The following CEP192 variants were observed in gnomAD, a reference collection of about 807,000 sequenced individuals.
CEP192 encodes centrosomal protein of 192 kDa.
CEP192 carries 151 observed loss-of-function variants against 271.8 expected under a neutral mutation model. That is an observed-to-expected ratio of 0.56 (90% CI 0.49 to 0.64). The LOEUF (loss-of-function observed/expected upper bound fraction) is 0.64. CEP192 is among the 30% of genes least tolerant of loss of function. The pLI is 0.00. For missense variants in CEP192, 2,910 were observed against 3,020.5 expected (o/e 0.96, Z 0.86); for synonymous variants, 995 against 1,076.5 (o/e 0.92, Z 1.48).
chr18:13,063,265 AT>A (rs1314228921), intron 21 of CEP192, among the ~76,000 whole-genome samples: 1 of 152,160 alleles, frequency 6.6e-6, no homozygotes, highest in Non-Finnish European at 1.5e-5. Context: ...TGGTAGCTCA[AT>A]TATTAGTTTT....
intron 24 of CEP192, 116 bp downstream of exon 24, chr18:13,068,538 T>C (rs1044400007): frequency 1.0e-6 from 1 of 961,932 alleles, no homozygotes; most frequent in Non-Finnish European, 1.6e-6. Context: ...TCAACTATTT[T>C]ATGTTTTTTT....
In CEP192 at chr18:13,113,597, A is replaced by G. The variant is rs1447549980; in HGVS notation, c.7059A>G (p.Thr2353=). 6.2e-7 allele frequency: 1 copy of G among 1,613,206 alleles called. No individual in the cohort carries two copies. The part of the protein sequence containing the change: ...ESHGIQKVSI[T]FLPRGRGDYA... ...TATGTATTTCGTAGGTCTCCATCAC[A>G]TTTTTGCCCAGAGGTAGGGGGGATT... The change falls in exon 41 of 45, where the codon ACA becomes ACG. Residue 2353 remains threonine (T), a synonymous_variant. Transcript: ENST00000506447.
chr18:13,099,145 G>A (rs902993305), intron 36 of CEP192, among the ~76,000 whole-genome samples: 2 of 149,998 alleles, frequency 1.3e-5, no homozygotes, highest in African/African-American at 2.5e-5. Context: ...GTCCAGCTTC[G>A]GCTCGGCATC....
intron 3 of CEP192, among the ~76,000 whole-genome samples, chr18:13,005,370 G>T (rs1325694979): frequency 6.6e-6 from 1 of 152,156 alleles, no homozygotes; most frequent in Non-Finnish European, 1.5e-5. Flanking sequence ...GTCTTAAGGG[G>T]CTTGGAGTGC....
At chr18:13,053,316 G>T (rs181580137) in intron 18 of CEP192, among the ~76,000 whole-genome samples, 2 of 152,310 alleles carry the variant, frequency 1.3e-5, no homozygotes, top group East Asian at 3.9e-4. Flanking sequence ...GTCTGGTGAG[G>T]CACGCTGTGT....
intron 17 of CEP192, 105 bp from the exon 18 acceptor site, chr18:13,052,813 TG>T: frequency 1.4e-6 from 1 of 732,096 alleles, no homozygotes; most frequent in Non-Finnish European, 2.2e-6. Flanking sequence ...ATTGAATTTG[TG>T]GTTGAGTCAT....
At chr18:13,026,253 AT>A (rs1397285814) in intron 9 of CEP192, among the ~76,000 whole-genome samples, 3 of 151,416 alleles carry the variant, frequency 2.0e-5, no homozygotes, top group African/African-American at 4.9e-5. Context: ...GAGCAAGGTG[AT>A]TTTTTTCCTC....
intron 17 of CEP192, among the ~76,000 whole-genome samples, chr18:13,052,663 G>A (rs1433641462): frequency 1.3e-5 from 2 of 152,096 alleles, no homozygotes; most frequent in Non-Finnish European, 2.9e-5. Flanking sequence ...AGCATGAATA[G>A]CTAATTGCTA....
chr18:13,092,616 A>T, intron 34 of CEP192, 89 bp downstream of exon 34: 1 of 923,760 alleles, frequency 1.1e-6, no homozygotes, highest in Non-Finnish European at 1.6e-6. Context: ...CTTCACTATT[A>T]TTATTATTTT....
rs760211021 is a variant in CEP192, at chr18:13,087,086, T to G, written c.5686T>G (p.Tyr1896Asp). Residue 1896 changes from tyrosine (Y) to aspartate (D), a missense_variant, in exon 31 of 45, where the codon TAC becomes GAC. Tyr to Asp is a radical substitution (Grantham distance 160). Transcript: ENST00000506447. ...AGGCGTTAAAAAATTATCTGACAGT[T>G]ACATGGTAACAGTGAATGGCTTAGT... Reference protein sequence around the residue: ...LEGVKKLSDSYMVTVNGLVPG... With the variant: ...LEGVKKLSDSDMVTVNGLVPG... 14 of 1,613,622 alleles carry G rather than the reference T, an allele frequency of 8.7e-6. No individual in the cohort carries two copies. Among genetic ancestry groups the G allele is most frequent in the Non-Finnish European group, 1.2e-5 (14 of 1,179,538 alleles).
At chr18:12,992,219 A>C (rs569101411) in intron 1 of CEP192, among the ~76,000 whole-genome samples, 1 of 152,192 alleles carries the variant, frequency 6.6e-6, no homozygotes, top group Non-Finnish European at 1.5e-5. Flanking sequence ...CTCCAAAATC[A>C]ACTTTTTCTC....
At chr18:13,088,201 A>C (rs1335830043) in intron 32 of CEP192, among the ~76,000 whole-genome samples, 1 of 152,236 alleles carries the variant, frequency 6.6e-6, no homozygotes, top group Non-Finnish European at 1.5e-5. Context: ...CATGCCCAGC[A>C]CTTTGGGAGG....
Position 13,008,642 on chromosome 18 carries a change from A to G in CEP192, c.466+11A>G. The G allele has an allele frequency of 2.0e-6, 3 of 1,489,386 alleles. No individual in the cohort carries two copies. Among genetic ancestry groups the G allele is most frequent in the Non-Finnish European group, 1.8e-6 (2 of 1,113,354 alleles). The allele number at this position is 1,489,386 out of a possible 1,614,324, so 92.3% of individuals were successfully genotyped here. ...TGGAACAAGCACAAGGTACTGAACTATTTGAAATTATTTCTTAATGCATAT... is the reference window on the plus strand; with the variant it reads ...TGGAACAAGCACAAGGTACTGAACTGTTTGAAATTATTTCTTAATGCATAT... On this transcript the variant is annotated intron_variant, in intron 4 of 44. Transcript: ENST00000506447.
intron 32 of CEP192, among the ~76,000 whole-genome samples, chr18:13,088,003 C>T (rs1012168017): frequency 1.3e-5 from 2 of 152,082 alleles, no homozygotes; most frequent in South Asian, 2.1e-4. Flanking sequence ...TTAAGAACTA[C>T]TGAATGATTA....
chr18:13,118,342 A>G (rs572328752), intron 44 of CEP192, among the ~76,000 whole-genome samples: 4 of 152,340 alleles, frequency 2.6e-5, no homozygotes, highest in South Asian at 2.1e-4. Flanking sequence ...GTTCTATTCT[A>G]TGAAAATTTG....
At position 13,087,575 on chromosome 18, in the gene CEP192, T is replaced by C; in HGVS notation, c.5922T>C (p.Asn1974=). ...IYNPSDRGIN[N]KTATELSTVY... is the part of the protein sequence containing the mutation. Reference sequence around the variant, plus strand: ...ATCCATCAGACAGAGGAATCAATAATAAAACTGCAACAGAACTATCAACTG... The same window carrying C: ...ATCCATCAGACAGAGGAATCAATAACAAAACTGCAACAGAACTATCAACTG... Residue 1974 remains asparagine, a synonymous_variant, in exon 32 of 45, where the codon AAT becomes AAC. Transcript: ENST00000506447. 6.3e-7 allele frequency: 1 copy of C among 1,583,656 alleles called. No individual in the cohort carries two copies.
At chr18:13,023,551 T>C (rs2143330880) in intron 9 of CEP192, among the ~76,000 whole-genome samples, 2 of 152,200 alleles carry the variant, frequency 1.3e-5, no homozygotes, top group South Asian at 4.1e-4. Flanking sequence ...TGATTTTTGA[T>C]TGTTGAACCA....
intron 3 of CEP192, 45 bp downstream of exon 3, chr18:13,001,627 C>G: frequency 1.4e-6 from 2 of 1,473,194 alleles, no homozygotes; most frequent in Non-Finnish European, 9.0e-7. Flanking sequence ...AAAAGTGGGT[C>G]TTACGCAGTC....
chr18:13,117,545 A>G, intron 43 of CEP192, 40 bp from the exon 44 acceptor site: 1 of 1,446,144 alleles, frequency 6.9e-7, no homozygotes, highest in Non-Finnish European at 9.7e-7. Flanking sequence ...AAAAGATCTA[A>G]TTTTCATAAC....
Sources: allele counts gnomAD v4.1 joint callset (sites outside exome capture counted in the v4.1 genomes callset), GRCh38; gene constraint gnomAD v4.1.1; transcripts MANE v1.5; gene names NCBI Gene and HGNC (gene_info 2026-07-23, HGNC 2026-07-21).